PPP1R16B: variants seen among roughly 807,000 people sequenced by gnomAD.
PPP1R16B encodes protein phosphatase 1 regulatory subunit 16B.
In PPP1R16B, 14 loss-of-function variants were observed where a neutral mutation model predicts 61.7. That is an observed-to-expected ratio of 0.23 (90% confidence interval 0.15 to 0.35). PPP1R16B has a LOEUF of 0.35. PPP1R16B is among the 10% of genes least tolerant of loss of function. The pLI is 1.00. For missense variants in PPP1R16B, 547 were observed against 752.5 expected (o/e 0.73, Z 3.19); for synonymous variants, 266 against 305.3 (o/e 0.87, Z 1.34).
chr20:38,906,222 C>A, intron 7 of PPP1R16B, 128 bp downstream of exon 7: 8 of 827,840 alleles, frequency 9.7e-6, no homozygotes, highest in Non-Finnish European at 9.9e-6. Flanking sequence ...GAATATAGCT[C>A]ATATGTGGGA....
At chr20:38,854,496 ATAAAATC>A (rs1156483601) in intron 2 of PPP1R16B, among the ~76,000 whole-genome samples, 1 of 152,236 alleles carries the variant, frequency 6.6e-6, no homozygotes, top group Non-Finnish European at 1.5e-5. Context: ...GTGCTCAGTA[ATAAAATC>A]TTTCAAAATG....
At chr20:38,815,743 T>G (rs1328200383) in intron 1 of PPP1R16B, among the ~76,000 whole-genome samples, 1 of 152,258 alleles carries the variant, frequency 6.6e-6, no homozygotes, top group Non-Finnish European at 1.5e-5. Flanking sequence ...TTAGATTTTA[T>G]GACCCTTTGG....
chr20:38,847,826 A>G (rs1048479546), intron 2 of PPP1R16B, among the ~76,000 whole-genome samples: 2 of 152,310 alleles, frequency 1.3e-5, no homozygotes, highest in East Asian at 3.9e-4. Flanking sequence ...TATTTTCTGC[A>G]GTGCGTGTAT....
intron 2 of PPP1R16B, among the ~76,000 whole-genome samples, chr20:38,867,458 T>G (rs1331153337): frequency 6.6e-6 from 1 of 152,200 alleles, no homozygotes; most frequent in Non-Finnish European, 1.5e-5. Flanking sequence ...TTGGGTGAAC[T>G]TGGGCAAACC....
At chr20:38,847,617 A>G (rs1172981128) in intron 2 of PPP1R16B, among the ~76,000 whole-genome samples, 1 of 152,198 alleles carries the variant, frequency 6.6e-6, no homozygotes, top group Non-Finnish European at 1.5e-5. Context: ...TCAGCCTCCC[A>G]AAGTGCTGGG....
intron 2 of PPP1R16B, among the ~76,000 whole-genome samples, chr20:38,842,845 C>A (rs976105035): frequency 1.1e-4 from 16 of 151,176 alleles, no homozygotes; most frequent in African/African-American, 3.9e-4. Flanking sequence ...AAAAAAAAAC[C>A]CTGTTATTGT....
At chr20:38,896,160 T>C (rs1428220399) in intron 4 of PPP1R16B, among the ~76,000 whole-genome samples, 2 of 78,302 alleles carry the variant, frequency 2.6e-5, no homozygotes, top group Non-Finnish European at 4.8e-5. Flanking sequence ...TCTTCCTCCC[T>C]CCCTTCCTTC....
At chr20:38,844,607 G>A (rs906654542) in intron 2 of PPP1R16B, among the ~76,000 whole-genome samples, 2 of 152,120 alleles carry the variant, frequency 1.3e-5, no homozygotes, top group African/African-American at 4.8e-5. Flanking sequence ...AAGGATTAAG[G>A]TTTCATAAAA....
chr20:38,810,368 G>A (rs1046027894), intron 1 of PPP1R16B, among the ~76,000 whole-genome samples: 1 of 152,256 alleles, frequency 6.6e-6, no homozygotes, highest in African/African-American at 2.4e-5. Flanking sequence ...ACCCGAGGCA[G>A]TCCCTCTGCA....
chr20:38,814,235 G>A (rs532500576), intron 1 of PPP1R16B, among the ~76,000 whole-genome samples: 2 of 152,306 alleles, frequency 1.3e-5, no homozygotes, highest in Admixed American at 1.3e-4. Flanking sequence ...CAAAGTCCTT[G>A]TACTGAATCA....
chr20:38,848,514 T>C (rs561686769), intron 2 of PPP1R16B, among the ~76,000 whole-genome samples: 3 of 152,356 alleles, frequency 2.0e-5, no homozygotes, highest in Admixed American at 6.5e-5. Flanking sequence ...TGTGGCTTAA[T>C]ATGTGATAAA....
chr20:38,906,923 C>G (rs1601310279), intron 7 of PPP1R16B, 56 bp from the exon 8 acceptor site: 1 of 1,498,028 alleles, frequency 6.7e-7, no homozygotes, highest in African/African-American at 1.4e-5. Context: ...CTCTCCACCT[C>G]CTAGGCTTTC....
chr20:38,877,865 G>A (rs1244883545), intron 2 of PPP1R16B, among the ~76,000 whole-genome samples: 2 of 144,140 alleles, frequency 1.4e-5, no homozygotes, highest in African/African-American at 5.1e-5. Flanking sequence ...TTGTGTTTGT[G>A]TTTGCCTGTT....
chr20:38,849,894 T>C (rs1045351990), intron 2 of PPP1R16B, among the ~76,000 whole-genome samples: 1 of 152,208 alleles, frequency 6.6e-6, no homozygotes, highest in Non-Finnish European at 1.5e-5. Flanking sequence ...TTGTTGAGTT[T>C]TGAGCCCAAT....
chr20:38,861,923 C>T (rs1227640955), intron 2 of PPP1R16B, among the ~76,000 whole-genome samples: 2 of 152,194 alleles, frequency 1.3e-5, no homozygotes, highest in Non-Finnish European at 2.9e-5. Context: ...GATCCACCCA[C>T]CTCGGCCTCC....
intron 2 of PPP1R16B, among the ~76,000 whole-genome samples, chr20:38,867,203 C>A (rs971257936): frequency 2.0e-5 from 3 of 152,190 alleles, no homozygotes; most frequent in Non-Finnish European, 4.4e-5. Context: ...ATGGTTAAAG[C>A]GATGTCCCCA....
chr20:38,879,422 T>C (rs147333115), intron 2 of PPP1R16B, among the ~76,000 whole-genome samples: 121 of 152,220 alleles, frequency 7.9e-4, no homozygotes, highest in African/African-American at 2.8e-3. Flanking sequence ...CCCTCACACA[T>C]TAGGAAGTGA....
At chr20:38,863,580 G>A (rs1011681488) in intron 2 of PPP1R16B, among the ~76,000 whole-genome samples, 2 of 152,202 alleles carry the variant, frequency 1.3e-5, no homozygotes, top group African/African-American at 4.8e-5. Context: ...TACAGCAGCT[G>A]TGTGATCCTG....
intron 2 of PPP1R16B, among the ~76,000 whole-genome samples, chr20:38,856,124 G>T (rs1174085893): frequency 6.6e-6 from 1 of 151,598 alleles, no homozygotes; most frequent in Non-Finnish European, 1.5e-5. Flanking sequence ...TAATCAGGGA[G>T]CATCTGAGTA....
Sources: gnomAD v4.1 joint callset for allele counts (sites outside exome capture counted in the v4.1 genomes callset) on GRCh38, gnomAD v4.1.1 for gene constraint, MANE v1.5 for transcripts, NCBI Gene and HGNC (gene_info 2026-07-23, HGNC 2026-07-21) for gene names.